The following FBN2 variants were observed in gnomAD, a reference collection of about 807,000 sequenced individuals.
FBN2 encodes fibrillin 2.
A neutral mutation model predicts 355.6 loss-of-function variants in FBN2; 105 were observed. The observed-to-expected ratio is 0.30, with a 90% confidence interval of 0.25 to 0.35. The LOEUF (loss-of-function observed/expected upper bound fraction) is 0.35, where lower values mean the gene tolerates loss of function less well. FBN2 is among the 10% of genes least tolerant of loss of function. FBN2 has a pLI of 1.00. For missense variants in FBN2, 3,280 were observed against 3,758.7 expected (o/e 0.87, Z 3.33); for synonymous variants, 1,350 against 1,301.2 (o/e 1.04, Z -0.81).
chr5:128,264,166 A>G (rs1047697378), intron 62 of FBN2, among the ~76,000 whole-genome samples: 1 of 152,188 alleles, frequency 6.6e-6, no homozygotes, highest in Non-Finnish European at 1.5e-5. Context: ...GTACACTTTA[A>G]AAGAGAGAAG....
intron 20 of FBN2, among the ~76,000 whole-genome samples, chr5:128,354,377 T>A (rs970203405): frequency 4.6e-5 from 7 of 152,074 alleles, no homozygotes; most frequent in Non-Finnish European, 1.0e-4. Context: ...AGCAAGATCA[T>A]GAGGGGAGCA....
intron 6 of FBN2, among the ~76,000 whole-genome samples, chr5:128,453,999 C>CG (rs1055706712): frequency 2.0e-5 from 3 of 151,360 alleles, no homozygotes; most frequent in Non-Finnish European, 2.9e-5. Context: ...TGCCCCCCCC[C>CG]CAAGTTTCTC....
rs1464628434 is a variant in FBN2, at chr5:128,296,267, A to G, written c.6166+4550T>C. Among the ~76,000 whole-genome samples, 253 of 151,698 alleles carry G rather than the reference A, an allele frequency of 1.7e-3. 4 individuals carry two copies. In the South Asian group the frequency reaches 0.049, roughly 30 times the overall value. On this transcript the variant is annotated intron_variant, in intron 48 of 64. Coordinates refer to ENST00000262464, the MANE Select transcript of FBN2 (RefSeq NM_001999.4). ...TATTTTATTGAGGATTTTTGCATCAATGTTCATCAAGGATATTGGTCTAAA... is the reference window on the plus strand; with the variant it reads ...TATTTTATTGAGGATTTTTGCATCAGTGTTCATCAAGGATATTGGTCTAAA...
chr5:128,350,556 A>G (rs1751326252), intron 21 of FBN2, among the ~76,000 whole-genome samples: 1 of 152,224 alleles, frequency 6.6e-6, no homozygotes, highest in Admixed American at 6.5e-5. Flanking sequence ...TCTCAAAAAA[A>G]TAAAAGTAAA....
Position 128,336,107 on chromosome 5 carries a change from T to C in FBN2, c.3605A>G (p.Asn1202Ser). ...GAGATTGTCACTCAGGGAGCATTCA[T>C]TAATATCTATAAAAGATACACAGAA... ...SPSREDCVDINECSLSDNLCR... is the reference protein window; with the variant it reads ...SPSREDCVDISECSLSDNLCR... The change falls in exon 28 of 65, where the codon AAT (asparagine) becomes AGT (serine). Residue 1202 changes from asparagine to serine, a missense_variant. Asn to Ser is a conservative substitution (Grantham distance 46, BLOSUM62 1). Coordinates refer to ENST00000262464, the MANE Select transcript of FBN2 (RefSeq NM_001999.4). The C allele has an allele frequency of 6.2e-7, 1 of 1,613,388 alleles. No homozygotes were observed. Among genetic ancestry groups the C allele is most frequent in the South Asian group, 1.1e-5 (1 of 91,072 alleles).
chr5:128,283,568 G>C (rs1749045288), intron 55 of FBN2, among the ~76,000 whole-genome samples: 1 of 152,164 alleles, frequency 6.6e-6, no homozygotes, highest in South Asian at 2.1e-4. Flanking sequence ...GGAACAACCA[G>C]AGTCCAGTGT....
At chr5:128,478,156 G>A (rs1032876493) in intron 5 of FBN2, among the ~76,000 whole-genome samples, 1 of 152,190 alleles carries the variant, frequency 6.6e-6, no homozygotes, top group Non-Finnish European at 1.5e-5. Context: ...CTGAGTGGAT[G>A]AACTATGAGT....
intron 9 of FBN2, 53 bp downstream of exon 9, chr5:128,395,069 A>G (rs1269569603): frequency 2.2e-5 from 36 of 1,600,980 alleles, no homozygotes; most frequent in Non-Finnish European, 3.0e-5. Flanking sequence ...CAGTACTGCT[A>G]CTAATTTTCC....
intron 61 of FBN2, among the ~76,000 whole-genome samples, chr5:128,273,039 A>C (rs1353840294): frequency 6.6e-6 from 1 of 152,214 alleles, no homozygotes; most frequent in African/African-American, 2.4e-5. Context: ...TATTTCTAGA[A>C]ATCCAAATCA....
chr5:128,272,782 T>C (rs1765300008), intron 61 of FBN2, among the ~76,000 whole-genome samples: 1 of 152,064 alleles, frequency 6.6e-6, no homozygotes, highest in Admixed American at 6.6e-5. Flanking sequence ...TAAAATAAAA[T>C]TGGCATGTCT....
chr5:128,405,969 G>A (rs537310854), intron 8 of FBN2, among the ~76,000 whole-genome samples: 91 of 152,266 alleles, frequency 6.0e-4, no homozygotes, highest in African/African-American at 2.0e-3. Context: ...CCACGGCGAC[G>A]TTTCTCCTAA....
chr5:128,481,798 T>C (rs1450166691), intron 5 of FBN2, among the ~76,000 whole-genome samples: 1 of 152,188 alleles, frequency 6.6e-6, no homozygotes, highest in Non-Finnish European at 1.5e-5. Flanking sequence ...TTACTTGAGT[T>C]TCTATAAATC....
intron 4 of FBN2, among the ~76,000 whole-genome samples, chr5:128,521,976 T>A (rs1290669399): frequency 6.6e-6 from 1 of 152,206 alleles, no homozygotes; most frequent in African/African-American, 2.4e-5. Flanking sequence ...ATAAAAAATA[T>A]TTATCTTAGC....
chr5:128,307,477 C>T (rs556852484), intron 41 of FBN2, among the ~76,000 whole-genome samples: 54 of 151,770 alleles, frequency 3.6e-4, no homozygotes, highest in Admixed American at 2.9e-3. Flanking sequence ...TTCAAAATGT[C>T]CATTTAGATA....
chr5:128,321,917 A>G (rs575010907), intron 34 of FBN2, among the ~76,000 whole-genome samples: 1 of 152,270 alleles, frequency 6.6e-6, no homozygotes, highest in East Asian at 1.9e-4. Context: ...CAATAGTGTA[A>G]AAGTGTTCCC....
chr5:128,307,211 A>T lies in FBN2; in HGVS notation c.5354-8T>A. 6.4e-7 allele frequency: 1 copy of T among 1,566,132 alleles called. No homozygotes were observed. Among genetic ancestry groups the T allele is most frequent in the Non-Finnish European group, 8.8e-7 (1 of 1,136,780 alleles). On this transcript the variant is annotated splice_polypyrimidine_tract_variant and splice_region_variant and intron_variant, in intron 41 of 64. Coordinates refer to ENST00000262464, the MANE Select transcript of FBN2 (RefSeq NM_001999.4). ...ATATGGTTTTAAAGTCAGCTTTAAA[A>T]TATAAACAAAGCAATGCACTCTTAA...
intron 33 of FBN2, 133 bp downstream of exon 33, chr5:128,330,440 T>A (rs139982119): frequency 7.1e-5 from 61 of 859,996 alleles, no homozygotes; most frequent in East Asian, 5.5e-4. Flanking sequence ...AGATACATAG[T>A]CACCTGCAAG....
intron 7 of FBN2, among the ~76,000 whole-genome samples, chr5:128,419,810 A>T (rs1344648623): frequency 2.0e-5 from 3 of 152,068 alleles, no homozygotes; most frequent in Admixed American, 2.0e-4. Context: ...CTCCTGCTTC[A>T]GCCTCCCAAG....
At chr5:128,484,789 T>C (rs563890315) in intron 5 of FBN2, among the ~76,000 whole-genome samples, 2 of 152,274 alleles carry the variant, frequency 1.3e-5, no homozygotes, top group South Asian at 2.1e-4. Flanking sequence ...CCAAGGTCAA[T>C]GCACTATTCG....
Sources: allele counts gnomAD v4.1 joint callset (sites outside exome capture counted in the v4.1 genomes callset), GRCh38; gene constraint gnomAD v4.1.1; transcripts MANE v1.5; gene names NCBI Gene and HGNC (gene_info 2026-07-23, HGNC 2026-07-21).